The following HS6ST3 variants were observed in gnomAD, a reference collection of about 807,000 sequenced individuals.
HS6ST3 encodes heparan-sulfate 6-O-sulfotransferase 3.
HS6ST3 carries 12 observed loss-of-function variants against 36.7 expected under a neutral mutation model. The ratio of observed to expected loss-of-function variants is 0.33; its 90% confidence interval spans 0.21 to 0.53. HS6ST3 has a LOEUF of 0.53. Among genes scored for constraint, HS6ST3 ranks in the 20% least tolerant of loss-of-function variants. The pLI is 0.95. For missense variants in HS6ST3, 584 were observed against 640.9 expected (o/e 0.91, Z 0.96); for synonymous variants, 240 against 257.5 (o/e 0.93, Z 0.65).
At chr13:96,333,814 G>A (rs2055085361) in intron 1 of HS6ST3, among the ~76,000 whole-genome samples, 1 of 152,132 alleles carries the variant, frequency 6.6e-6, no homozygotes, top group South Asian at 2.1e-4. Flanking sequence ...TTGAAAGAAG[G>A]CTTCCAAAGC....
chr13:96,660,430 G>C (rs1273032626), intron 1 of HS6ST3, among the ~76,000 whole-genome samples: 1 of 152,098 alleles, frequency 6.6e-6, no homozygotes, highest in African/African-American at 2.4e-5. Flanking sequence ...ATGAGGAAAG[G>C]ATAGTCTTTT....
chr13:96,465,367 T>TG (rs1257295155), intron 1 of HS6ST3, among the ~76,000 whole-genome samples: 4 of 152,202 alleles, frequency 2.6e-5, no homozygotes, highest in African/African-American at 7.2e-5. Flanking sequence ...AAGACATACA[T>TG]GGGGGAATAC....
chr13:96,205,531 A>AC (rs2054365589), intron 1 of HS6ST3, among the ~76,000 whole-genome samples: 2 of 152,244 alleles, frequency 1.3e-5, no homozygotes, highest in South Asian at 4.1e-4. Context: ...CAACAAAAAA[A>AC]AACTTCAGGC....
intron 1 of HS6ST3, among the ~76,000 whole-genome samples, chr13:96,390,125 A>G (rs1032249787): frequency 3.9e-5 from 6 of 152,190 alleles, no homozygotes; most frequent in Admixed American, 1.3e-4. Flanking sequence ...TATTGATACA[A>G]ACTATCTTTT....
chr13:96,727,123 G>A (rs1395668818), intron 1 of HS6ST3, among the ~76,000 whole-genome samples: 2 of 152,000 alleles, frequency 1.3e-5, no homozygotes, highest in Admixed American at 6.6e-5. Flanking sequence ...TCTTTACTCA[G>A]CACCTAATAT....
intron 1 of HS6ST3, among the ~76,000 whole-genome samples, chr13:96,761,801 C>T (rs1876977554): frequency 6.6e-6 from 1 of 152,116 alleles, no homozygotes; most frequent in Non-Finnish European, 1.5e-5. Flanking sequence ...CATCTATTGA[C>T]ACACACACAT....
At chr13:96,800,526 A>C in intron 1 of HS6ST3, among the ~76,000 whole-genome samples, 1 of 152,086 alleles carries the variant, frequency 6.6e-6, no homozygotes, top group East Asian at 1.9e-4. Flanking sequence ...CCCAAGGTCA[A>C]AACTTTGAAA....
intron 1 of HS6ST3, among the ~76,000 whole-genome samples, chr13:96,437,927 C>T (rs907297009): frequency 7.2e-5 from 11 of 152,148 alleles, no homozygotes; most frequent in Admixed American, 2.6e-4. Context: ...TGTGTAAATG[C>T]ACAATAAATT....
intron 1 of HS6ST3, among the ~76,000 whole-genome samples, chr13:96,251,904 G>C (rs373290062): frequency 5.3e-5 from 8 of 151,962 alleles, no homozygotes; most frequent in African/African-American, 1.7e-4. Flanking sequence ...ATACCATTGT[G>C]GTCAAGTAAA....
intron 1 of HS6ST3, among the ~76,000 whole-genome samples, chr13:96,410,123 T>C (rs994806245): frequency 2.0e-5 from 3 of 152,182 alleles, no homozygotes; most frequent in African/African-American, 7.2e-5. Context: ...AATGATAGTT[T>C]TGACTACGCA....
intron 1 of HS6ST3, among the ~76,000 whole-genome samples, chr13:96,507,371 A>G (rs995129181): frequency 8.5e-5 from 13 of 152,150 alleles, no homozygotes; most frequent in African/African-American, 2.7e-4. Context: ...TTGCCTTTTC[A>G]GTAATGAACA....
chr13:96,608,916 G>C (rs767631267), intron 1 of HS6ST3, among the ~76,000 whole-genome samples: 58 of 151,994 alleles, frequency 3.8e-4, no homozygotes, highest in Non-Finnish European at 3.7e-4. Flanking sequence ...CATCTTTTGT[G>C]TGTGTGTATG....
chr13:96,614,287 GGATCCA>G (rs1409065912), intron 1 of HS6ST3, among the ~76,000 whole-genome samples: 1 of 91,150 alleles, frequency 1.1e-5, no homozygotes, highest in African/African-American at 4.4e-5. Context: ...AACAGAGCAA[GGATCCA>G]TCTCAAAAAA....
chr13:96,611,191 T>C (rs1032131963), intron 1 of HS6ST3, among the ~76,000 whole-genome samples: 3 of 151,620 alleles, frequency 2.0e-5, no homozygotes, highest in Non-Finnish European at 4.4e-5. Context: ...ATGTGCAGGT[T>C]AGTTACATAT....
chr13:96,765,588 T>TTC (rs58979172), intron 1 of HS6ST3, among the ~76,000 whole-genome samples: 17,487 of 142,394 alleles, frequency 0.12, 973 homozygotes, highest in Middle Eastern at 0.18. Flanking sequence ...CTCTCTCTCT[T>TTC]TCTCTCTCTC....
At chr13:96,434,445 T>C (rs987699932) in intron 1 of HS6ST3, among the ~76,000 whole-genome samples, 23 of 152,230 alleles carry the variant, frequency 1.5e-4, no homozygotes, top group Non-Finnish European at 1.9e-4. Flanking sequence ...CTGGGCTTAG[T>C]TGTCTAGCCA....
chr13:96,417,009 C>T (rs148204858), intron 1 of HS6ST3, among the ~76,000 whole-genome samples: 9 of 152,148 alleles, frequency 5.9e-5, no homozygotes, highest in Admixed American at 5.2e-4. Context: ...CTCTGCCTCC[C>T]GAAATGCTGG....
At chr13:96,162,757 A>G (rs1433321098) in intron 1 of HS6ST3, among the ~76,000 whole-genome samples, 1 of 152,228 alleles carries the variant, frequency 6.6e-6, no homozygotes, top group Non-Finnish European at 1.5e-5. Flanking sequence ...GAAAGGCAAC[A>G]CATTTTATGT....
At chr13:96,827,030 G>A (rs925012870) in intron 1 of HS6ST3, among the ~76,000 whole-genome samples, 1 of 152,194 alleles carries the variant, frequency 6.6e-6, no homozygotes, top group Non-Finnish European at 1.5e-5. Flanking sequence ...TCTGCTGACA[G>A]GATGCTGTCA....
Sources: allele counts gnomAD v4.1 joint callset (sites outside exome capture counted in the v4.1 genomes callset), GRCh38; gene constraint gnomAD v4.1.1; transcripts MANE v1.5; gene names NCBI Gene and HGNC (gene_info 2026-07-23, HGNC 2026-07-21).